ENPP2: variants seen among roughly 807,000 people sequenced by gnomAD.
ENPP2 encodes ectonucleotide pyrophosphatase/phosphodiesterase 2, also known as autotaxin.
In ENPP2, 51 loss-of-function variants were observed where a neutral mutation model predicts 120.2. That is an observed-to-expected ratio of 0.42 (90% CI 0.34 to 0.54). ENPP2 has a LOEUF of 0.54. ENPP2 is among the 20% of genes least tolerant of loss of function. The pLI is 0.04. For synonymous variants in ENPP2, 365 were observed against 366.4 expected (o/e 1.00, Z 0.04); for missense variants, 920 against 1,066.5 (o/e 0.86, Z 1.91).
intron 1 of ENPP2, 38 bp from the exon 2 acceptor site, chr8:119,638,565 G>T: frequency 8.0e-7 from 1 of 1,253,570 alleles, no homozygotes; most frequent in Non-Finnish European, 1.2e-6. Context: ...AAATACAGCT[G>T]GAGAAGACTA....
chr8:119,655,187 G>GT (rs1817734368), intron 1 of ENPP2, among the ~76,000 whole-genome samples: 1 of 152,168 alleles, frequency 6.6e-6, no homozygotes, highest in Non-Finnish European at 1.5e-5. Context: ...TGAAGCAATG[G>GT]TTTTTTGGAT....
chr8:119,660,325 A>C (rs1817885422), intron 1 of ENPP2, among the ~76,000 whole-genome samples: 1 of 152,264 alleles, frequency 6.6e-6, no homozygotes, highest in South Asian at 2.1e-4. Flanking sequence ...GGCAACAATC[A>C]TGCAAATAGG....
chr8:119,589,813 T>G (rs1219176311), intron 13 of ENPP2, among the ~76,000 whole-genome samples: 1 of 152,038 alleles, frequency 6.6e-6, no homozygotes, highest in South Asian at 2.1e-4. Context: ...ATAACCCCAA[T>G]AAAACTATGG....
chr8:119,593,750 AC>A lies in ENPP2; in HGVS notation c.1081+1del. 6.3e-7 allele frequency: 1 copy of A among 1,575,720 alleles called. No individual in the cohort carries two copies. The highest frequency in any genetic ancestry group is 8.7e-7 in the Non-Finnish European group (1 of 1,145,026). Reference sequence around the variant, plus strand: ...ATTAGCAAAGAAAAAACAAAGCTTTACCATGGTCTCCGACAAAGATGACGTT... The same window carrying A: ...ATTAGCAAAGAAAAAACAAAGCTTTACATGGTCTCCGACAAAGATGACGTT... On this transcript the variant is annotated splice_donor_variant, in intron 12 of 24. Coordinates refer to ENST00000075322, the MANE Select transcript of ENPP2 (RefSeq NM_001040092.3). LOFTEE classifies it high-confidence loss of function.
At chr8:119,630,778 T>C (rs1461620307) in intron 2 of ENPP2, among the ~76,000 whole-genome samples, 2 of 152,180 alleles carry the variant, frequency 1.3e-5, no homozygotes, top group Non-Finnish European at 2.9e-5. Context: ...CATTCTCGGA[T>C]GATTTGAATT....
rs1191680525 is a variant in ENPP2 at position 119,572,370 on chromosome 8, A to T, written c.1781-1529T>A. 2 of 729,850 alleles carry T rather than the reference A, an allele frequency of 2.7e-6. 1 individual carries two copies. Among genetic ancestry groups the T allele is most frequent in the Non-Finnish European group, 4.6e-6 (2 of 430,442 alleles). 45.2% of individuals were successfully genotyped at this position (729,850 alleles called of 1,614,324 possible). A position where few individuals can be genotyped will look rare whatever the true frequency, so the allele number is the denominator to read the frequency against. ...TCAAGCTTGGCATCTAATCGATTCC[A>T]TTAGGGGACAATAAAATAGCAGCCA... is the stretch of plus-strand genomic sequence containing the variant. On this transcript the variant is annotated intron_variant, in intron 19 of 24. Coordinates refer to ENST00000075322, the MANE Select transcript of ENPP2 (RefSeq NM_001040092.3).
chr8:119,605,786 T>C (rs1814681704), intron 9 of ENPP2, among the ~76,000 whole-genome samples: 2 of 152,086 alleles, frequency 1.3e-5, no homozygotes, highest in African/African-American at 4.8e-5. Context: ...GTAATTTTTA[T>C]TTGAAGATGA....
chr8:119,619,711 T>TA (rs561905279), intron 4 of ENPP2, among the ~76,000 whole-genome samples: 1,399 of 110,480 alleles, frequency 0.013, 13 homozygotes, highest in African/African-American at 0.018. Context: ...CTTTAGATGC[T>TA]AAAAAAAAAA....
At chr8:119,657,353 C>T (rs1306289654) in intron 1 of ENPP2, among the ~76,000 whole-genome samples, 4 of 152,220 alleles carry the variant, frequency 2.6e-5, no homozygotes, top group Non-Finnish European at 5.9e-5. Flanking sequence ...ATGATTTTTA[C>T]ACCATACCAT....
Position 119,644,392 on chromosome 8 carries a change from G to A in ENPP2, c.22-5865C>T, listed in dbSNP as rs528861252. Reference sequence around the variant, plus strand: ...TGAGGGGCAGGAAGGTATTAAGTATGACTCCTGAATTAATAGATACTTAAT... The same window carrying A: ...TGAGGGGCAGGAAGGTATTAAGTATAACTCCTGAATTAATAGATACTTAAT... On this transcript the variant is annotated intron_variant, in intron 1 of 25. Transcript: ENST00000427067. 6.4e-4 allele frequency among the ~76,000 whole-genome samples: 97 copies of A among 151,532 alleles called. 1 individual carries two copies. The highest frequency in any genetic ancestry group is 5.0e-3 in the Admixed American group (76 of 15,200).
intron 19 of ENPP2, among the ~76,000 whole-genome samples, chr8:119,575,137 A>G (rs1812242726): frequency 1.3e-5 from 2 of 152,200 alleles, no homozygotes; most frequent in Admixed American, 6.5e-5. Context: ...GTCTAATGTT[A>G]CCCTGAAAGG....
chr8:119,660,923 A>G (rs1367333444), intron 1 of ENPP2, among the ~76,000 whole-genome samples: 1 of 152,238 alleles, frequency 6.6e-6, no homozygotes, highest in Non-Finnish European at 1.5e-5. Flanking sequence ...GAGTGAGAAG[A>G]CAACCCAAGG....
intron 19 of ENPP2, chr8:119,572,283 G>A: frequency 6.8e-7 from 1 of 1,461,704 alleles, no homozygotes; most frequent in Non-Finnish European, 9.4e-7. Flanking sequence ...TCTTTGAGAA[G>A]CTATTCTCTT....
At chr8:119,584,122 T>G in intron 15 of ENPP2, 73 bp from the exon 16 acceptor site, 5 of 987,228 alleles carry the variant, frequency 5.1e-6, no homozygotes, top group Non-Finnish European at 8.0e-6. Flanking sequence ...AATTTCAGGG[T>G]ACAAAGAATA....
intron 1 of ENPP2, among the ~76,000 whole-genome samples, chr8:119,661,246 A>T (rs1330270056): frequency 6.6e-6 from 1 of 152,180 alleles, no homozygotes; most frequent in Non-Finnish European, 1.5e-5. Context: ...TAACGGGTTG[A>T]TAGTTGCAGC....
At chr8:119,599,751 A>G (rs774491250) in intron 11 of ENPP2, among the ~76,000 whole-genome samples, 15 of 152,210 alleles carry the variant, frequency 9.9e-5, no homozygotes, top group Non-Finnish European at 1.8e-4. Context: ...CACGCCTGCA[A>G]TCCCAGCACT....
intron 2 of ENPP2, among the ~76,000 whole-genome samples, chr8:119,633,441 G>GGATCACCTGAGGTCAGGA (rs1459413447): frequency 1.4e-4 from 22 of 152,138 alleles, no homozygotes; most frequent in African/African-American, 5.3e-4. Flanking sequence ...TACCAGCTGT[G>GGATCACCTGAGGTCAGGA]GTTATACCAG....
intron 2 of ENPP2, among the ~76,000 whole-genome samples, chr8:119,634,397 C>A (rs1372746788): frequency 1.3e-5 from 2 of 152,106 alleles, no homozygotes; most frequent in African/African-American, 4.8e-5. Context: ...TGCTACCAAA[C>A]AATAAAATGT....
intron 13 of ENPP2, 60 bp downstream of exon 13, chr8:119,590,445 C>T: frequency 7.4e-7 from 1 of 1,344,470 alleles, no homozygotes. Flanking sequence ...AGAAAACAAG[C>T]CCTTACCTAT....
Sources: gnomAD v4.1 joint callset for allele counts (sites outside exome capture counted in the v4.1 genomes callset) on GRCh38, gnomAD v4.1.1 for gene constraint, MANE v1.5 for transcripts, NCBI Gene and HGNC (gene_info 2026-07-23, HGNC 2026-07-21) for gene names.